The following TALDO1 variants were observed in gnomAD, a reference collection of about 807,000 sequenced individuals.
TALDO1 encodes transaldolase 1.
In TALDO1, 29 loss-of-function variants were observed where a neutral mutation model predicts 38.1. The observed-to-expected ratio is 0.76, with a 90% CI of 0.57 to 1.04. TALDO1 has a LOEUF of 1.04. Ranked by LOEUF, TALDO1 falls within the 50% of genes least tolerant of loss-of-function variation. The pLI is 0.00. For missense variants in TALDO1, 499 were observed against 438.1 expected (o/e 1.14, Z -1.24); for synonymous variants, 207 against 176.8 (o/e 1.17, Z -1.36).
intron 1 of TALDO1, among the ~76,000 whole-genome samples, chr11:750,012 C>T (rs560290376): frequency 3.3e-5 from 5 of 152,288 alleles, no homozygotes; most frequent in East Asian, 3.9e-4. Flanking sequence ...GCATCCACAC[C>T]GGGAAGTGGG....
intron 1 of TALDO1, among the ~76,000 whole-genome samples, chr11:754,004 C>A (rs1321809634): frequency 6.7e-6 from 1 of 149,964 alleles, no homozygotes. Flanking sequence ...TTTTTTTTTG[C>A]AACAGAGTCT....
intron 1 of TALDO1, among the ~76,000 whole-genome samples, chr11:749,397 G>A (rs1196402429): frequency 1.4e-4 from 9 of 63,706 alleles, no homozygotes; most frequent in African/African-American, 6.8e-4. Context: ...GCAAAACTCC[G>A]TCTCAAAAAA....
chr11:759,592 GTTTT>G (rs1862897919), intron 3 of TALDO1, among the ~76,000 whole-genome samples: 1 of 151,314 alleles, frequency 6.6e-6, no homozygotes, highest in Non-Finnish European at 1.5e-5. Context: ...TGTTTTGTTT[GTTTT>G]TTGAGACAGA....
intron 4 of TALDO1, chr11:761,050 T>C (rs1862916945): frequency 6.6e-6 from 1 of 150,862 alleles, no homozygotes; most frequent in African/African-American, 2.4e-5. Flanking sequence ...AGAAAACTTT[T>C]AGGCCGGGCA....
chr11:759,873 C>A (rs1240526830), intron 3 of TALDO1, among the ~76,000 whole-genome samples: 3 of 152,226 alleles, frequency 2.0e-5, no homozygotes, highest in Non-Finnish European at 4.4e-5. Context: ...AGCCACGGCA[C>A]CTGGCCCAGT....
chr11:763,648 G>A, intron 5 of TALDO1, 99 bp from the exon 6 acceptor site: 3 of 1,568,348 alleles, frequency 1.9e-6, no homozygotes, highest in Non-Finnish European at 2.6e-6. Context: ...GGCAGGCAGG[G>A]GTGGCGGCTC....
chr11:761,528 TCA>T (rs1313482430), intron 4 of TALDO1, among the ~76,000 whole-genome samples: 1 of 152,052 alleles, frequency 6.6e-6, no homozygotes, highest in Non-Finnish European at 1.5e-5. Context: ...ATATGTACGT[TCA>T]GAGTGGAAGA....
chr11:754,981 T>C (rs950126279), intron 1 of TALDO1, among the ~76,000 whole-genome samples: 1 of 152,102 alleles, frequency 6.6e-6, no homozygotes, highest in African/African-American at 2.4e-5. Context: ...TGGTGAGTGA[T>C]AGCAGTGGAT....
At chr11:749,019 T>C (rs1410241249) in intron 1 of TALDO1, among the ~76,000 whole-genome samples, 1 of 152,180 alleles carries the variant, frequency 6.6e-6, no homozygotes, top group African/African-American at 2.4e-5. Flanking sequence ...CACTTGGCAG[T>C]GCAGGGCCAA....
At position 747,552 on chromosome 11, in the gene TALDO1, T is replaced by C. The variant is rs770893808; in HGVS notation, c.71T>C (p.Val24Ala). The stretch of plus-strand genomic sequence containing the variant: ...GACCAGCTCAAGCAGTTCACCACCG[T>C]GGTGGCCGACACGGGCGACTTCCAC... ...ALDQLKQFTT[V>A]VADTGDFHAI... The change falls in exon 1 of 8, where the codon GTG becomes GCG. Residue 24 changes from valine to alanine, a missense_variant. Physicochemically the swap from Val to Ala is moderately conservative, Grantham distance 64 (BLOSUM62 0). Coordinates refer to ENST00000319006, the MANE Select transcript of TALDO1 (RefSeq NM_006755.2). 5 of 1,593,236 alleles carry C rather than the reference T, an allele frequency of 3.1e-6. No individual in the cohort carries two copies. The highest frequency in any genetic ancestry group is 4.3e-6 in the Non-Finnish European group (5 of 1,172,032).
At chr11:754,638 A>C (rs920588525) in intron 1 of TALDO1, among the ~76,000 whole-genome samples, 1 of 151,476 alleles carries the variant, frequency 6.6e-6, no homozygotes, top group African/African-American at 2.4e-5. Context: ...CACCCAGCTC[A>C]TTTTTGTATT....
chr11:763,539 A>C lies in TALDO1; in HGVS notation c.637+20A>C, dbSNP rs1416990755. 3.1e-6 allele frequency: 5 copies of C among 1,613,002 alleles called. No homozygotes were observed. The highest frequency in any genetic ancestry group is 1.7e-5 in the Admixed American group (1 of 59,918). The stretch of plus-strand genomic sequence containing the variant: ...ACCCTGGTGAGGGTCCCTCTGTGGT[A>C]ATGGGGTAAGGGGAGCAGCCTCAGC... On this transcript the variant is annotated intron_variant, in intron 5 of 7. Coordinates refer to ENST00000319006, the MANE Select transcript of TALDO1 (RefSeq NM_006755.2).
At position 750,048 on chromosome 11, in the gene TALDO1, T is replaced by C. The variant is rs147119975; in HGVS notation, c.97+2470T>C. Reference sequence around the variant, plus strand: ...CACTGCTGTGGTGCTGATGCTGTTATAGACTGCAGGCCTGGCTCAGGGCTC... The same window carrying C: ...CACTGCTGTGGTGCTGATGCTGTTACAGACTGCAGGCCTGGCTCAGGGCTC... On this transcript the variant is annotated intron_variant, in intron 1 of 7. Transcript: ENST00000319006. 8.9e-4 allele frequency among the ~76,000 whole-genome samples: 136 copies of C among 152,302 alleles called. 2 individuals are homozygous for C. In the East Asian group the frequency reaches 0.023, roughly 26 times the overall value.
chr11:760,066 C>G, intron 3 of TALDO1, 56 bp from the exon 4 acceptor site: 1 of 1,610,654 alleles, frequency 6.2e-7, no homozygotes. Context: ...CCAGCTTGCT[C>G]TGCGTGGTGG....
intron 4 of TALDO1, among the ~76,000 whole-genome samples, chr11:762,620 T>C (rs1862958261): frequency 6.6e-6 from 1 of 152,228 alleles, no homozygotes; most frequent in Non-Finnish European, 1.5e-5. Flanking sequence ...CGTGTGGCCA[T>C]GTGGCAGAGG....
chr11:764,887 G>C lies in TALDO1; in HGVS notation c.*42G>C. 1.9e-6 allele frequency: 3 copies of C among 1,613,578 alleles called. No individual in the cohort carries two copies. Among genetic ancestry groups the C allele is most frequent in the Non-Finnish European group, 2.5e-6 (3 of 1,179,932 alleles). ...GACTCCAGATCTGCACCGCCGGCCA[G>C]CTGGGATCTGACTGCACGTGGCTTC... On this transcript the variant is annotated 3_prime_UTR_variant, in exon 8 of 8. Coordinates refer to ENST00000319006, the MANE Select transcript of TALDO1 (RefSeq NM_006755.2).
intron 2 of TALDO1, 25 bp downstream of exon 2, chr11:756,027 C>T (rs1417536863): frequency 1.2e-6 from 2 of 1,607,270 alleles, no homozygotes; most frequent in Non-Finnish European, 8.5e-7. Flanking sequence ...TCGGGAGGGT[C>T]CCAGCTAGGC....
At chr11:759,240 T>TGA (rs1423744652) in intron 3 of TALDO1, among the ~76,000 whole-genome samples, 183 bp downstream of exon 3, 1 of 152,156 alleles carries the variant, frequency 6.6e-6, no homozygotes, top group Non-Finnish European at 1.5e-5. Flanking sequence ...GTTTAGCAAC[T>TGA]GATCTCTAGT....
chr11:761,851 C>T (rs914595775), intron 4 of TALDO1, among the ~76,000 whole-genome samples: 7 of 152,292 alleles, frequency 4.6e-5, no homozygotes, highest in Non-Finnish European at 8.8e-5. Flanking sequence ...AATTTCACCA[C>T]GTTCCCCAGG....
Sources: allele counts gnomAD v4.1 joint callset (sites outside exome capture counted in the v4.1 genomes callset), GRCh38; gene constraint gnomAD v4.1.1; transcripts MANE v1.5; gene names NCBI Gene and HGNC (gene_info 2026-07-23, HGNC 2026-07-21).